Variants in NFATC2 observed in about 807,000 individuals in gnomAD.
NFATC2 encodes nuclear factor of activated T cells 2.
Under a neutral mutation model 87.3 loss-of-function variants are expected in NFATC2, and 22 were observed. The ratio of observed to expected loss-of-function variants is 0.25; its 90% CI spans 0.18 to 0.36. NFATC2 has a LOEUF of 0.36. NFATC2 is among the 10% of genes least tolerant of loss of function. The pLI is 1.00. For synonymous variants in NFATC2, 565 were observed against 542.2 expected (o/e 1.04, Z -0.58); for missense variants, 1,149 against 1,259.1 (o/e 0.91, Z 1.32).
intron 5 of NFATC2, among the ~76,000 whole-genome samples, chr20:51,465,287 C>T (rs975466885): frequency 5.9e-5 from 9 of 152,040 alleles, no homozygotes; most frequent in Middle Eastern, 3.2e-3. Flanking sequence ...GGTTGAGGAA[C>T]GAGAATCACT....
intron 1 of NFATC2, among the ~76,000 whole-genome samples, chr20:51,553,767 C>T (rs999844109): frequency 2.0e-5 from 3 of 151,926 alleles, no homozygotes; most frequent in East Asian, 1.9e-4. Flanking sequence ...CAGGAGATGC[C>T]GCCATCCCTC....
rs760442495 is a variant in NFATC2 at position 51,523,672 on chromosome 20, C to G, written c.569G>C (p.Cys190Ser). 5 of 1,613,854 alleles carry G rather than the reference C, an allele frequency of 3.1e-6. No individual in the cohort carries two copies. In the Admixed American group the frequency reaches 8.3e-5, roughly 27 times the overall value. The part of the protein sequence containing the change: ...SDTFSPYTSP[C>S]VSPNNGGPDD... ...GGGCCCGCCGTTATTGGGCGAGACG[C>G]AGGGCGAGGTGTAGGGGGAGAAGGT... The change falls in exon 2 of 11, where the codon TGC (cysteine) becomes TCC (serine). Residue 190 changes from cysteine (C) to serine (S), a missense_variant. By Grantham distance (112) the Cys-to-Ser change is moderately radical. Transcript: ENST00000371564. This position sits in a 1 kb window ranked among gnomAD's most constrained non-coding sequence, Gnocchi z 6.9.
At chr20:51,427,361 C>T (rs982046577) in intron 9 of NFATC2, among the ~76,000 whole-genome samples, 5 of 152,140 alleles carry the variant, frequency 3.3e-5, no homozygotes, top group East Asian at 1.9e-4. Context: ...AAAGTGCAGC[C>T]GCCCCTCATT....
At chr20:51,559,538 A>G (rs1249278467) in intron 1 of NFATC2, among the ~76,000 whole-genome samples, 1 of 152,238 alleles carries the variant, frequency 6.6e-6, no homozygotes, top group Non-Finnish European at 1.5e-5. Context: ...TTCCTGGATA[A>G]CACTTGGCCC....
At chr20:51,483,050 C>T (rs1243649115) in intron 3 of NFATC2, among the ~76,000 whole-genome samples, 2 of 152,170 alleles carry the variant, frequency 1.3e-5, no homozygotes, top group East Asian at 1.9e-4. Context: ...CTACATTTGG[C>T]CCCCTGGTGC....
At position 51,502,252 on chromosome 20, in the gene NFATC2, A is replaced by G. The variant is rs1408913155; in HGVS notation, c.1332+14532T>C. The stretch of plus-strand genomic sequence containing the variant: ...GGAAAACCACTCATAATCCCACTCA[A>G]CACTTTTATTGCTGCATTTTGACCA... On this transcript the variant is annotated intron_variant, in intron 3 of 10. Transcript: ENST00000371564. Among the ~76,000 whole-genome samples, 7 of 152,192 alleles carry G rather than the reference A, an allele frequency of 4.6e-5. No individual in the cohort carries two copies. In the East Asian group the frequency reaches 1.3e-3, roughly 29 times the overall value.
intron 5 of NFATC2, among the ~76,000 whole-genome samples, chr20:51,460,945 T>G (rs4809845): frequency 6.6e-6 from 1 of 152,078 alleles, no homozygotes; most frequent in Admixed American, 6.5e-5. Context: ...GCCAGACATT[T>G]GCATTTTAAC....
chr20:51,401,660 C>T (rs1438364713), intron 9 of NFATC2, among the ~76,000 whole-genome samples: 2 of 152,070 alleles, frequency 1.3e-5, no homozygotes, highest in Non-Finnish European at 2.9e-5. Flanking sequence ...TCAAAAACCA[C>T]AATTACTTTT....
rs34932483 is a variant in NFATC2, at chr20:51,454,516, G to C, written c.1849+32C>G. 8.4e-3 allele frequency: 13,578 copies of C among 1,611,992 alleles called. 71 individuals are homozygous for C. The highest frequency in any genetic ancestry group is 0.012 in the Middle Eastern group (74 of 6,054). On this transcript the variant is annotated intron_variant, in intron 6 of 10. Transcript: ENST00000371564. ...GATGGTCACTTTTGCATGATTCTGGGGGACAGAGAAAGAGCTCAAAAATCC... is the reference window on the plus strand; with the variant it reads ...GATGGTCACTTTTGCATGATTCTGGCGGACAGAGAAAGAGCTCAAAAATCC...
intron 5 of NFATC2, among the ~76,000 whole-genome samples, chr20:51,463,464 C>T (rs1018510535): frequency 1.3e-5 from 2 of 152,232 alleles, no homozygotes; most frequent in African/African-American, 4.8e-5. Context: ...ATCCACTCCA[C>T]AGGACATCAG....
intron 1 of NFATC2, among the ~76,000 whole-genome samples, chr20:51,531,982 C>A (rs907197270): frequency 6.6e-6 from 1 of 152,136 alleles, no homozygotes; most frequent in African/African-American, 2.4e-5. Context: ...GGAGGTAAAA[C>A]GTGCTTCCAA....
chr20:51,478,478 C>T (rs912835465), intron 3 of NFATC2, among the ~76,000 whole-genome samples: 1 of 152,086 alleles, frequency 6.6e-6, no homozygotes, highest in East Asian at 1.9e-4. Flanking sequence ...AGGCAGGGAA[C>T]ACCTGGAGAT....
At chr20:51,529,112 T>C (rs2076592087) in intron 1 of NFATC2, among the ~76,000 whole-genome samples, 1 of 152,182 alleles carries the variant, frequency 6.6e-6, no homozygotes. Flanking sequence ...GAGAATTCAC[T>C]GCCCTTCGAA....
At chr20:51,469,479 C>A (rs1159289700) in intron 5 of NFATC2, among the ~76,000 whole-genome samples, 1 of 152,130 alleles carries the variant, frequency 6.6e-6, no homozygotes, top group Non-Finnish European at 1.5e-5. Context: ...CCAACAAATG[C>A]AGTTGAGGAA....
chr20:51,404,761 A>C (rs1465375731), intron 9 of NFATC2, among the ~76,000 whole-genome samples: 1 of 152,156 alleles, frequency 6.6e-6, no homozygotes, highest in East Asian at 1.9e-4. Flanking sequence ...TCCTGCTGAG[A>C]GGGGCCCCTC....
chr20:51,536,149 A>G (rs957696106), intron 1 of NFATC2, among the ~76,000 whole-genome samples: 1 of 152,248 alleles, frequency 6.6e-6, no homozygotes, highest in African/African-American at 2.4e-5. Flanking sequence ...TCCAATGAGT[A>G]TAATCCCATT....
rs1393894897 is a variant in NFATC2, at chr20:51,454,618, G to A, written c.1779C>T (p.Gly593=). ...TCTGCCCCGTGAGGATCATTTGCTGGCCGCCATAGACCAGGCAGCTGTCTG... is the reference window on the plus strand; with the variant it reads ...TCTGCCCCGTGAGGATCATTTGCTGACCGCCATAGACCAGGCAGCTGTCTG... ...QDTDSCLVYG[G]QQMILTGQNF... The change falls in exon 6 of 11, where the codon GGC becomes GGT. Residue 593 remains glycine (G), a synonymous_variant. Transcript: ENST00000371564. 2.5e-6 allele frequency: 4 copies of A among 1,614,146 alleles called. No individual in the cohort carries two copies. The highest frequency in any genetic ancestry group is 1.1e-5 in the South Asian group (1 of 91,088).
At chr20:51,396,134 CCTG>C (rs1341808331) in intron 10 of NFATC2, among the ~76,000 whole-genome samples, 1 of 144,626 alleles carries the variant, frequency 6.9e-6, no homozygotes, top group African/African-American at 2.5e-5. Context: ...GTTCTCTTTG[CCTG>C]CTTTTTGAGG....
chr20:51,490,315 G>A (rs1228032054), intron 3 of NFATC2, among the ~76,000 whole-genome samples: 2 of 152,282 alleles, frequency 1.3e-5, no homozygotes, highest in African/African-American at 4.8e-5. Context: ...AGGTCATGCA[G>A]CTAAGAAGAG....
Sources: allele counts gnomAD v4.1 joint callset (sites outside exome capture counted in the v4.1 genomes callset), GRCh38; gene constraint gnomAD v4.1.1; non-coding constraint Gnocchi (gnomAD v3.1); transcripts MANE v1.5; gene names NCBI Gene and HGNC (gene_info 2026-07-23, HGNC 2026-07-21).